The following SETD2 variants were observed in gnomAD, a reference collection of about 807,000 sequenced individuals.
SETD2 encodes the protein SET domain containing 2, histone lysine methyltransferase.
A neutral mutation model predicts 242.1 loss-of-function variants in SETD2; 31 were observed. The observed-to-expected ratio is 0.13, with a 90% CI of 0.10 to 0.17. SETD2 has a LOEUF of 0.17. Among genes scored for constraint, SETD2 ranks in the 10% least tolerant of loss-of-function variants. SETD2 has a pLI of 1.00. For missense variants in SETD2, 2,481 were observed against 3,046.3 expected, an observed-to-expected ratio of 0.81 and a Z score of 4.37; for synonymous variants, 1,006 against 1,066.5, an observed-to-expected ratio of 0.94 and a Z score of 1.11.
In SETD2 at chr3:47,037,745, C is replaced by T. The variant is rs147822770; in HGVS notation, c.7271G>A (p.Ser2424Asn). ...QTQWDPPTWE[S>N]PGDDASLEHE... The stretch of plus-strand genomic sequence containing the variant: ...CTCAAGGCTGGCATCATCTCCTGGG[C>T]TTTCCCAAGTAGGAGGATCCCACTG... The change falls in exon 18 of 21, where the codon AGC becomes AAC. Residue 2424 changes from serine (S) to asparagine (N), a missense_variant. This residue lies in a region of SETD2 where 235 missense variants were observed against 293.9 expected (regional missense o/e 0.80). Transcript: ENST00000409792. 11 of 1,613,792 alleles carry T rather than the reference C, an allele frequency of 6.8e-6. No homozygotes were observed. Among genetic ancestry groups the T allele is most frequent in the South Asian group, 1.1e-5 (1 of 91,078 alleles).
At chr3:47,021,386 C>T (rs897114673) in intron 18 of SETD2, among the ~76,000 whole-genome samples, 1 of 152,154 alleles carries the variant, frequency 6.6e-6, no homozygotes, top group African/African-American at 2.4e-5. Flanking sequence ...TCCTGTTTCA[C>T]TCTGGATAGG....
Position 47,103,742 on chromosome 3 carries a change from A to ACG in SETD2, c.4840-321_4840-320dup, listed in dbSNP as rs947606845. Reference sequence around the variant, plus strand: ...TGTAAGATACATGCAATGCACACGCACGCACACACACACACACTCCCTTAT... The same window carrying ACG: ...TGTAAGATACATGCAATGCACACGCACGCGCACACACACACACACTCCCTTAT... On this transcript the variant is annotated intron_variant, in intron 6 of 20. Transcript: ENST00000409792. 4.7e-4 allele frequency among the ~76,000 whole-genome samples: 48 copies of ACG among 101,374 alleles called. 1 individual carries two copies. The highest frequency in any genetic ancestry group is 1.2e-3 in the African/African-American group (33 of 28,578). The allele number at this position is 101,374 out of a possible 152,430, so 66.5% of individuals were successfully genotyped here. A position where few individuals can be genotyped will look rare whatever the true frequency, so the allele number is the denominator to read the frequency against.
intron 1 of SETD2, among the ~76,000 whole-genome samples, chr3:47,159,897 G>A (rs1697437814): frequency 6.6e-6 from 1 of 151,366 alleles, no homozygotes; most frequent in South Asian, 2.1e-4. Context: ...ATCGCTTAAA[G>A]CCAGGGGGCA....
chr3:47,051,446 C>T (rs1263174290), intron 15 of SETD2, among the ~76,000 whole-genome samples: 1 of 152,062 alleles, frequency 6.6e-6, no homozygotes, highest in Non-Finnish European at 1.5e-5. Flanking sequence ...TCTCTTTTAC[C>T]CAGAGCAGCC....
intron 14 of SETD2, among the ~76,000 whole-genome samples, chr3:47,057,762 C>T (rs1405862746): frequency 6.6e-6 from 1 of 152,112 alleles, no homozygotes; most frequent in East Asian, 1.9e-4. Flanking sequence ...ATACAGCATC[C>T]TATTCTTTAT....
At chr3:47,019,861 A>G in intron 18 of SETD2, 21 bp from the exon 19 acceptor site, 1 of 1,605,342 alleles carries the variant, frequency 6.2e-7, no homozygotes. Context: ...AGGAGAAAAC[A>G]CAGTGGTGCT....
At chr3:47,141,238 G>T (rs1193890735) in intron 1 of SETD2, among the ~76,000 whole-genome samples, 1 of 151,956 alleles carries the variant, frequency 6.6e-6, no homozygotes, top group Admixed American at 6.6e-5. Context: ...AAACTCCTGG[G>T]CTCAAGCGAT....
intron 17 of SETD2, chr3:47,041,462 GCAA>G (rs1398844717): frequency 3.2e-6 from 1 of 308,328 alleles, no homozygotes; most frequent in East Asian, 1.1e-4. Flanking sequence ...ATCAGTCTGG[GCAA>G]CAAAGAAAGA....
chr3:47,130,444 G>C (rs1425537594), intron 1 of SETD2, among the ~76,000 whole-genome samples: 1 of 152,156 alleles, frequency 6.6e-6, no homozygotes, highest in Non-Finnish European at 1.5e-5. Flanking sequence ...ACCTAGGTAC[G>C]GCCAGGAAGA....
At chr3:47,019,710 G>A (rs754896973) in intron 19 of SETD2, 50 bp downstream of exon 19, 1 of 1,456,012 alleles carries the variant, frequency 6.9e-7, no homozygotes, top group South Asian at 1.1e-5. Context: ...AAATGAAAGG[G>A]TTCAGATTTA....
rs2042217511 is a variant in SETD2 at position 47,101,632 on chromosome 3, G to A, written c.4918-77C>T. 1.3e-5 allele frequency: 10 copies of A among 788,320 alleles called. No individual in the cohort carries two copies. In the Admixed American group the frequency reaches 2.2e-4, roughly 17 times the overall value. 48.8% of individuals were successfully genotyped at this position (788,320 alleles called of 1,614,324 possible). A position where few individuals can be genotyped will look rare whatever the true frequency, so the allele number is the denominator to read the frequency against. On this transcript the variant is annotated intron_variant, in intron 7 of 20. Transcript: ENST00000409792. ...TGTGTGTGTGTGTGTGTGTGTGTGT[G>A]TGCGCATATATAAAGATCATCATCA... is the stretch of plus-strand genomic sequence containing the variant.
chr3:47,105,287 G>A (rs1304090939), intron 6 of SETD2, among the ~76,000 whole-genome samples: 1 of 151,664 alleles, frequency 6.6e-6, no homozygotes, highest in African/African-American at 2.4e-5. Context: ...GTGTGTGCCT[G>A]TAGTCCCAGC....
At chr3:47,101,368 T>C in intron 8 of SETD2, 90 bp downstream of exon 8, 1 of 724,420 alleles carries the variant, frequency 1.4e-6, no homozygotes, top group South Asian at 1.9e-5. Context: ...ATATAACTTT[T>C]AAGTAATTTA....
intron 14 of SETD2, among the ~76,000 whole-genome samples, chr3:47,058,567 T>C (rs2040188827): frequency 2.1e-5 from 3 of 144,400 alleles, no homozygotes. Flanking sequence ...GGTACATGAA[T>C]ACAATGGACT....
intron 1 of SETD2, among the ~76,000 whole-genome samples, chr3:47,138,713 G>A (rs748753830): frequency 7.2e-5 from 11 of 152,006 alleles, no homozygotes; most frequent in East Asian, 3.9e-4. Context: ...GAGCCACCGC[G>A]CCCAGTCAAG....
chr3:47,067,785 A>G (rs1201301201), intron 12 of SETD2, among the ~76,000 whole-genome samples: 2 of 152,214 alleles, frequency 1.3e-5, no homozygotes, highest in African/African-American at 4.8e-5. Flanking sequence ...CCAGTTATAT[A>G]AAAACACTTC....
intron 16 of SETD2, among the ~76,000 whole-genome samples, chr3:47,044,344 CAAAAAAAAAAAAAAAAAAAAAAA>C (rs59408277): frequency 5.6e-4 from 19 of 33,944 alleles, no homozygotes; most frequent in East Asian, 2.6e-3. Context: ...GACTTCATCT[CAAAAAAAAAAAAAAAAAAAAAAA>C]AAAAAAAAAA....
At chr3:47,096,763 A>G (rs13098228) in intron 9 of SETD2, among the ~76,000 whole-genome samples, 84,981 of 151,542 alleles carry the variant, frequency 0.56, 24,051 homozygotes, top group Non-Finnish European at 0.58. Context: ...AAACAAAGCC[A>G]AACCATTTGA....
chr3:47,060,574 T>C (rs900746671), intron 14 of SETD2, among the ~76,000 whole-genome samples: 2 of 152,096 alleles, frequency 1.3e-5, no homozygotes, highest in Non-Finnish European at 2.9e-5. Flanking sequence ...GCTGGGACAA[T>C]TGGGTATTAA....
Sources: gnomAD v4.1 joint callset for allele counts (sites outside exome capture counted in the v4.1 genomes callset) on GRCh38, gnomAD v4.1.1 for gene constraint, gnomAD v4.1.1 regional missense constraint, MANE v1.5 for transcripts, NCBI Gene and HGNC (gene_info 2026-07-23, HGNC 2026-07-21) for gene names.